LRRC7: variants seen among roughly 807,000 people sequenced by gnomAD.
LRRC7 encodes the protein leucine-rich repeat-containing protein 7.
Under a neutral mutation model 175.7 loss-of-function variants are expected in LRRC7, and 23 were observed. That is an observed-to-expected ratio of 0.13 (90% confidence interval 0.09 to 0.19). LRRC7 has a LOEUF of 0.19. LRRC7 is among the 10% of genes least tolerant of loss of function. The pLI, the probability that LRRC7 is intolerant of heterozygous loss-of-function variation, is 1.00. For synonymous variants in LRRC7, 685 were observed against 680.9 expected (o/e 1.01, Z -0.09); for missense variants, 1,354 against 1,904.7 (o/e 0.71, Z 5.38).
intron 2 of LRRC7, among the ~76,000 whole-genome samples, chr1:69,694,119 T>C (rs181145810): frequency 2.6e-5 from 4 of 152,270 alleles, no homozygotes; most frequent in Admixed American, 6.5e-5. Context: ...TGATCTCTTA[T>C]TGTTCTGCCT....
intron 8 of LRRC7, among the ~76,000 whole-genome samples, chr1:69,945,885 C>G (rs1649255994): frequency 6.6e-6 from 1 of 152,012 alleles, no homozygotes; most frequent in South Asian, 2.1e-4. Context: ...TTTAGTGGAA[C>G]CTTTGGGGCT....
intron 1 of LRRC7, among the ~76,000 whole-genome samples, chr1:69,574,797 T>C (rs1463307601): frequency 6.6e-6 from 1 of 152,132 alleles, no homozygotes; most frequent in Non-Finnish European, 1.5e-5. Context: ...TAAAATTAAA[T>C]AGTTACTATC....
At position 70,043,966 on chromosome 1, in the gene LRRC7, A is replaced by G; in HGVS notation, c.3982A>G (p.Lys1328Glu). ...ARRLDRNAAY[K>E]HNTVNLGMLP... Reference sequence around the variant, plus strand: ...TTCCTCTACTCAGAATGCTGCTTACAAACACAATACAGTTAACCTTGGCAT... The same window carrying G: ...TTCCTCTACTCAGAATGCTGCTTACGAACACAATACAGTTAACCTTGGCAT... Residue 1328 changes from lysine (K) to glutamate (E), a missense_variant, in exon 22 of 27, where the codon AAA (lysine) becomes GAA (glutamate). By Grantham distance (56) the Lys-to-Glu change is moderately conservative. Transcript: ENST00000651989. The G allele has an allele frequency of 6.2e-7, 1 of 1,610,320 alleles. No individual in the cohort carries two copies. Among genetic ancestry groups the G allele is most frequent in the Non-Finnish European group, 8.5e-7 (1 of 1,177,252 alleles).
chr1:69,923,459 C>T (rs1012270247), intron 7 of LRRC7, among the ~76,000 whole-genome samples: 2 of 150,936 alleles, frequency 1.3e-5, no homozygotes, highest in African/African-American at 4.8e-5. Context: ...TCCTATTTCT[C>T]CACATCCTCT....
rs377544014 is a variant in LRRC7, at chr1:69,832,352, G to A, written c.501-2428G>A. On this transcript the variant is annotated intron_variant, in intron 5 of 26. Transcript: ENST00000651989. ...AGGTGCATGAACAGACCAGGCTTTAGCAGCTGAAGAAAACCTTCAGACAGG... is the reference window on the plus strand; with the variant it reads ...AGGTGCATGAACAGACCAGGCTTTAACAGCTGAAGAAAACCTTCAGACAGG... Among the ~76,000 whole-genome samples, 13 of 152,212 alleles carry A rather than the reference G, an allele frequency of 8.5e-5. No individual in the cohort carries two copies. The East Asian group carries it at 1.7e-3, about 20-fold the overall frequency.
chr1:69,659,021 G>A (rs141032311), intron 1 of LRRC7, among the ~76,000 whole-genome samples: 118 of 152,130 alleles, frequency 7.8e-4, no homozygotes, highest in African/African-American at 2.7e-3. Flanking sequence ...GGAGCTATAG[G>A]ATAGGGTTGT....
chr1:69,890,277 G>A (rs554670646), intron 7 of LRRC7, among the ~76,000 whole-genome samples: 12 of 152,320 alleles, frequency 7.9e-5, no homozygotes, highest in Middle Eastern at 3.4e-3. Flanking sequence ...AATGGATGTT[G>A]TATTCACAGG....
chr1:69,738,691 G>T (rs1033443637), intron 2 of LRRC7, among the ~76,000 whole-genome samples: 1 of 152,068 alleles, frequency 6.6e-6, no homozygotes, highest in African/African-American at 2.4e-5. Context: ...CATAGTTGGG[G>T]TTCTGTTCCT....
rs994730281 is a variant in LRRC7 at position 70,143,964 on chromosome 1, A to T, written c.*22077A>T. 1 of 152,190 alleles carries T rather than the reference A, an allele frequency of 6.6e-6. No individual in the cohort carries two copies. The highest frequency in any genetic ancestry group is 2.4e-5 in the African/African-American group (1 of 41,438). 9.4% of individuals were successfully genotyped at this position (152,190 alleles called of 1,614,324 possible). A position where few individuals can be genotyped will look rare whatever the true frequency, so the allele number is the denominator to read the frequency against. On this transcript the variant is annotated 3_prime_UTR_variant, in exon 27 of 27. Coordinates refer to ENST00000651989, the MANE Select transcript of LRRC7 (RefSeq NM_001370785.2). ...CATATTTACTACTTTATTAACATAG[A>T]TCGTGAATGTACTTACTGGTTTTTT...
intron 14 of LRRC7, 63 bp downstream of exon 14, chr1:70,016,597 T>G (rs1406417394): frequency 2.3e-5 from 29 of 1,274,402 alleles, no homozygotes; most frequent in Non-Finnish European, 2.8e-5. Context: ...TTTGAATTAC[T>G]AATTTATTCC....
At chr1:69,733,973 T>G (rs543652992) in intron 2 of LRRC7, among the ~76,000 whole-genome samples, 1 of 152,104 alleles carries the variant, frequency 6.6e-6, no homozygotes, top group East Asian at 1.9e-4. Context: ...AAATAGGAGT[T>G]TGAGTTGATG....
chr1:69,984,035 C>T (rs1450197026), intron 9 of LRRC7, among the ~76,000 whole-genome samples: 4 of 152,124 alleles, frequency 2.6e-5, no homozygotes, highest in Non-Finnish European at 4.4e-5. Flanking sequence ...AACTGATTCT[C>T]CTGCCTCAGC....
At chr1:69,601,960 CAT>C (rs1647091982) in intron 1 of LRRC7, among the ~76,000 whole-genome samples, 1 of 152,074 alleles carries the variant, frequency 6.6e-6, no homozygotes, top group African/African-American at 2.4e-5. Context: ...ATGATAAAAA[CAT>C]TATTTAAATA....
chr1:69,725,235 G>T (rs968799768), intron 2 of LRRC7, among the ~76,000 whole-genome samples: 2 of 152,110 alleles, frequency 1.3e-5, no homozygotes, highest in African/African-American at 4.8e-5. Context: ...CTTCATCCTT[G>T]TCTTCACATT....
At chr1:69,628,679 G>T (rs1321798890) in intron 1 of LRRC7, among the ~76,000 whole-genome samples, 1 of 152,072 alleles carries the variant, frequency 6.6e-6, no homozygotes, top group Non-Finnish European at 1.5e-5. Context: ...AATATTGAAG[G>T]AAAAGAACCA....
At chr1:69,811,074 C>A (rs1288671873) in intron 4 of LRRC7, among the ~76,000 whole-genome samples, 1 of 151,842 alleles carries the variant, frequency 6.6e-6, no homozygotes, top group African/African-American at 2.4e-5. Flanking sequence ...AACAAGTTTA[C>A]AAGAAAAAAA....
At chr1:69,709,933 T>C (rs142099696) in intron 2 of LRRC7, among the ~76,000 whole-genome samples, 2 of 152,218 alleles carry the variant, frequency 1.3e-5, no homozygotes, top group Admixed American at 1.3e-4. Context: ...TATGGATATA[T>C]GAAGCAAGAC....
intron 2 of LRRC7, among the ~76,000 whole-genome samples, chr1:69,704,090 A>G (rs1289612422): frequency 6.6e-6 from 1 of 151,984 alleles, no homozygotes; most frequent in Non-Finnish European, 1.5e-5. Flanking sequence ...TCTTCCAGGA[A>G]CCACAAATAT....
intron 2 of LRRC7, 31 bp downstream of exon 2, chr1:69,678,509 C>T (rs1213188695): frequency 1.3e-6 from 2 of 1,516,518 alleles, no homozygotes; most frequent in Non-Finnish European, 1.8e-6. Context: ...TACCTGTGTT[C>T]TAGATAGATT....
Sources: allele counts gnomAD v4.1 joint callset (sites outside exome capture counted in the v4.1 genomes callset), GRCh38; gene constraint gnomAD v4.1.1; transcripts MANE v1.5; gene names NCBI Gene and HGNC (gene_info 2026-07-23, HGNC 2026-07-21).